MZB1: variants seen among roughly 807,000 people sequenced by gnomAD.
The protein encoded by MZB1 is marginal zone B- and B1-cell-specific protein.
In MZB1, 10 loss-of-function variants were observed where a neutral mutation model predicts 17.2. The observed-to-expected ratio is 0.58, with a 90% CI of 0.36 to 0.98. The LOEUF is 0.98. Ranked by LOEUF, MZB1 falls within the 50% of genes least tolerant of loss-of-function variation. The probability of loss-of-function intolerance (pLI) is 0.01; values close to 1 mark genes in which losing one functional copy is unlikely to be tolerated. For missense variants in MZB1, 246 were observed against 237.5 expected, an observed-to-expected ratio of 1.04 and a Z score of -0.23; for synonymous variants, 99 against 98.7, an observed-to-expected ratio of 1.00 and a Z score of -0.02.
intron 2 of MZB1, 21 bp from the exon 3 acceptor site, chr5:139,388,152 A>T: frequency 3.9e-6 from 6 of 1,546,666 alleles, no homozygotes; most frequent in Non-Finnish European, 5.2e-6. Flanking sequence ...TGGAGAGGAG[A>T]GGAGTACAGT....
chr5:139,388,535 A>G lies in MZB1; in HGVS notation c.228T>C (p.Ser76=), dbSNP rs1758552835. The G allele has an allele frequency of 6.2e-7, 1 of 1,601,020 alleles. No homozygotes were observed. Among genetic ancestry groups the G allele is most frequent in the African/African-American group, 1.3e-5 (1 of 74,690 alleles). Residue 76 remains serine, a synonymous_variant, in exon 2 of 4, where the codon TCT becomes TCC. Coordinates refer to ENST00000302125, the MANE Select transcript of MZB1 (RefSeq NM_016459.4). Reference sequence around the variant, plus strand: ...ACTCGCTCAGCTCCCGCCGCCCCCCAGAGTTTGAGGTATGAAGTTTGGTCT... The same window carrying G: ...ACTCGCTCAGCTCCCGCCGCCCCCCGGAGTTTGAGGTATGAAGTTTGGTCT... ...KAETKLHTSN[S]GGRRELSELV...
Position 139,388,121 on chromosome 5 carries a change from G to A in MZB1, c.313C>T (p.Arg105Ter), listed in dbSNP as rs762439596. The change falls in exon 3 of 4, where the codon CGA becomes TGA. Residue 105 changes from arginine to a stop codon, truncating the protein, a stop_gained. Coordinates refer to ENST00000302125, the MANE Select transcript of MZB1 (RefSeq NM_016459.4). LOFTEE classifies it high-confidence loss of function. ...CSRNWQDYGV[R>*]EVDQVKRLTG... ...AGACGTTTCACTTGGTCCACTTCTC[G>A]AACTCCGTAGCTGGTGGCAGTGGAG... The A allele has an allele frequency of 1.6e-5, 25 of 1,550,736 alleles. No individual in the cohort carries two copies. Among genetic ancestry groups the A allele is most frequent in the Non-Finnish European group, 2.1e-5 (24 of 1,147,108 alleles).
At position 139,388,043 on chromosome 5, in the gene MZB1, T is replaced by G. The variant is rs1758544107; in HGVS notation, c.391A>C (p.Thr131Pro). The G allele has an allele frequency of 6.4e-7, 1 of 1,556,126 alleles. No individual in the cohort carries two copies. Among genetic ancestry groups the G allele is most frequent in the Non-Finnish European group, 8.7e-7 (1 of 1,149,568 alleles). The part of the protein sequence containing the change: ...GPEPSISVMV[T>P]GGPWPTRLSR... The stretch of plus-strand genomic sequence containing the variant: ...CACCTGGTAGGCCAGGGGCCCCCTG[T>G]GACCATCACGCTGATGCTTGGCTCT... The change falls in exon 3 of 4, where the codon ACA (threonine) becomes CCA (proline). Residue 131 changes from threonine (T) to proline (P), a missense_variant. Transcript: ENST00000302125.
Position 139,387,777 on chromosome 5 carries a change from T to C in MZB1, c.558A>G (p.Arg186=). 2 of 1,545,908 alleles carry C rather than the reference T, an allele frequency of 1.3e-6. No homozygotes were observed. Among genetic ancestry groups the C allele is most frequent in the Non-Finnish European group, 1.7e-6 (2 of 1,154,480 alleles). ...GTAGAGTCCAGGACTAGAGCTCTTC[T>C]CTTGTGGCTGACACCTTCTCTGAGC... ...GACSEKVSAT[R]EEL The change falls in exon 4 of 4, where the codon AGA becomes AGG. Residue 186 remains arginine (R), a synonymous_variant. Transcript: ENST00000302125.
At chr5:139,389,310 G>A in intron 1 of MZB1, 1 of 463,512 alleles carries the variant, frequency 2.2e-6, no homozygotes, top group South Asian at 1.7e-5. Context: ...TGTGAAGCCA[G>A]ACACACGCAT....
chr5:139,387,621 A>T lies in MZB1; in HGVS notation c.*144T>A. On this transcript the variant is annotated 3_prime_UTR_variant, in exon 4 of 4. Coordinates refer to ENST00000302125, the MANE Select transcript of MZB1 (RefSeq NM_016459.4). ...GAGGGGAAGGCGTTGACTCCCACCC[A>T]GGCCCGAGTGCCCTGAGGCTGGAGG... is the stretch of plus-strand genomic sequence containing the variant. The T allele has an allele frequency of 9.8e-7, 1 of 1,025,116 alleles. No homozygotes were observed. Among genetic ancestry groups the T allele is most frequent in the Non-Finnish European group, 1.3e-6 (1 of 753,018 alleles). 63.5% of individuals were successfully genotyped at this position (1,025,116 alleles called of 1,614,324 possible).
Position 139,387,879 on chromosome 5 carries a change from T to G in MZB1, c.456A>C (p.Glu152Asp). The G allele has an allele frequency of 6.2e-7, 1 of 1,603,126 alleles. No homozygotes were observed. The highest frequency in any genetic ancestry group is 8.5e-7 in the Non-Finnish European group (1 of 1,175,740). ...GTTGGTGGGCTTCATAGATCTGGTC[T>G]TCTCCAAACTCCCCCAAGTAGTGCA... ...TCLHYLGEFG[E>D]DQIYEAHQQG... The change falls in exon 4 of 4, where the codon GAA becomes GAC. Residue 152 changes from glutamate (E) to aspartate (D), a missense_variant. Transcript: ENST00000302125.
At chr5:139,389,607 T>G in intron 1 of MZB1, 73 bp downstream of exon 1, 1 of 1,495,784 alleles carries the variant, frequency 6.7e-7, no homozygotes, top group Admixed American at 2.0e-5. Flanking sequence ...GGTGGTGGAA[T>G]GTGAGGTGGG....
Position 139,387,600 on chromosome 5 carries a change from G to T in MZB1, c.*165C>A. The stretch of plus-strand genomic sequence containing the variant: ...ACTGGGTTTTATTTGAGTCCAGAGG[G>T]GAAGGCGTTGACTCCCACCCAGGCC... On this transcript the variant is annotated 3_prime_UTR_variant, in exon 4 of 4. Transcript: ENST00000302125. 1.5e-6 allele frequency: 1 copy of T among 676,198 alleles called. No individual in the cohort carries two copies. Among genetic ancestry groups the T allele is most frequent in the Non-Finnish European group, 2.2e-6 (1 of 456,182 alleles). The allele number at this position is 676,198 out of a possible 1,614,324, so 41.9% of individuals were successfully genotyped here. A position where few individuals can be genotyped will look rare whatever the true frequency, so the allele number is the denominator to read the frequency against.
At chr5:139,388,388 G>C in intron 2 of MZB1, 73 bp downstream of exon 2, 1 of 1,457,490 alleles carries the variant, frequency 6.9e-7, no homozygotes, top group Non-Finnish European at 9.4e-7. Context: ...TTGTGTGAGC[G>C]GCTGAGTGGG....
At position 139,387,675 on chromosome 5, in the gene MZB1, G is replaced by A; in HGVS notation, c.*90C>T. 1.4e-6 allele frequency: 2 copies of A among 1,445,360 alleles called. No individual in the cohort carries two copies. Among genetic ancestry groups the A allele is most frequent in the East Asian group, 5.1e-5 (2 of 39,452 alleles). 89.5% of individuals were successfully genotyped at this position (1,445,360 alleles called of 1,614,324 possible). Reference sequence around the variant, plus strand: ...GAGGCAGGATGGCAGCACAGAGCAAGGGCTTCCTGCCCTCCTGGCTGCCTG... The same window carrying A: ...GAGGCAGGATGGCAGCACAGAGCAAAGGCTTCCTGCCCTCCTGGCTGCCTG... On this transcript the variant is annotated 3_prime_UTR_variant, in exon 4 of 4. Transcript: ENST00000302125.
At chr5:139,389,539 T>C in intron 1 of MZB1, 141 bp downstream of exon 1, 7 of 1,029,816 alleles carry the variant, frequency 6.8e-6, no homozygotes, top group South Asian at 2.8e-5. Flanking sequence ...GCATGGAATA[T>C]ATGAAAGGCT....
At position 139,387,469 on chromosome 5, in the gene MZB1, G is replaced by T; in HGVS notation, c.*296C>A. The T allele has an allele frequency of 4.6e-6, 1 of 217,800 alleles. No homozygotes were observed. The allele number at this position is 217,800 out of a possible 1,614,324, so 13.5% of individuals were successfully genotyped here. ...GAGACTGTCTCAAAAAAAAAAAATT[G>T]ATTTTGAGAGTTTTTTTTTTTTTTT... is the stretch of plus-strand genomic sequence containing the variant. On this transcript the variant is annotated 3_prime_UTR_variant, in exon 4 of 4. Coordinates refer to ENST00000302125, the MANE Select transcript of MZB1 (RefSeq NM_016459.4).
intron 1 of MZB1, 155 bp from the exon 2 acceptor site, chr5:139,388,740 C>T (rs544334996): frequency 6.4e-5 from 83 of 1,288,186 alleles, no homozygotes; most frequent in Non-Finnish European, 3.3e-5. Flanking sequence ...GGCCCCTCCC[C>T]CAGCCCCCAA....
chr5:139,388,475 G>A lies in MZB1; in HGVS notation c.288C>T (p.Ser96=), dbSNP rs780298347. ...VYTDVLDRSC[S]RNWQDYGVRE... is the part of the protein sequence containing the mutation. The stretch of plus-strand genomic sequence containing the variant: ...TGGCAACTCACTCCTGCCAGTTCCG[G>A]GAGCAGCTCCGGTCCAGGACATCCG... The change falls in exon 2 of 4, where the codon TCC becomes TCT. Residue 96 remains serine, a synonymous_variant. Coordinates refer to ENST00000302125, the MANE Select transcript of MZB1 (RefSeq NM_016459.4). 8 of 1,604,614 alleles carry A rather than the reference G, an allele frequency of 5.0e-6. No individual in the cohort carries two copies. The African/African-American group carries it at 8.0e-5, about 16-fold the overall frequency.
Position 139,389,013 on chromosome 5 carries a change from G to A in MZB1, c.178-428C>T, listed in dbSNP as rs984465361. The stretch of plus-strand genomic sequence containing the variant: ...AGCCTCCCAGGTAGCTGGGACTACA[G>A]GTATGTGCCACCACACCCGGCTAAA... On this transcript the variant is annotated intron_variant, in intron 1 of 3. Transcript: ENST00000302125. 3.3e-5 allele frequency: 7 copies of A among 214,214 alleles called. No homozygotes were observed. The South Asian group carries it at 4.3e-4, about 13-fold the overall frequency. 13.3% of individuals were successfully genotyped at this position (214,214 alleles called of 1,614,324 possible).
chr5:139,389,474 A>G (rs1758573506), intron 1 of MZB1: 1 of 729,206 alleles, frequency 1.4e-6, no homozygotes, highest in Non-Finnish European at 2.4e-6. Context: ...GTCTCAAAAT[A>G]CTGAGGAGGT....
chr5:139,387,664 G>T lies in MZB1; in HGVS notation c.*101C>A. 7.1e-7 allele frequency: 1 copy of T among 1,404,276 alleles called. No homozygotes were observed. Among genetic ancestry groups the T allele is most frequent in the Non-Finnish European group, 9.4e-7 (1 of 1,068,996 alleles). 87.0% of individuals were successfully genotyped at this position (1,404,276 alleles called of 1,614,324 possible). A position where few individuals can be genotyped will look rare whatever the true frequency, so the allele number is the denominator to read the frequency against. ...GCTGGAGGAGGGAGGCAGGATGGCA[G>T]CACAGAGCAAGGGCTTCCTGCCCTC... On this transcript the variant is annotated 3_prime_UTR_variant, in exon 4 of 4. Transcript: ENST00000302125.
At chr5:139,388,332 C>T (rs1032092800) in intron 2 of MZB1, 129 bp downstream of exon 2, 2 of 1,192,592 alleles carry the variant, frequency 1.7e-6, no homozygotes, top group African/African-American at 1.5e-5. Flanking sequence ...AGACTTCATC[C>T]CAGCCAGCCC....
Sources: allele counts gnomAD v4.1 joint callset, GRCh38; gene constraint gnomAD v4.1.1; transcripts MANE v1.5; gene names NCBI Gene and HGNC (gene_info 2026-07-23, HGNC 2026-07-21).